FATE1: variants seen among roughly 807,000 people sequenced by gnomAD.
The protein encoded by FATE1 is fetal and adult testis-expressed transcript protein.
A neutral mutation model predicts 16.0 loss-of-function variants in FATE1; 18 were observed. That is an observed-to-expected ratio of 1.12 (90% confidence interval 0.78 to 1.66). The LOEUF (loss-of-function observed/expected upper bound fraction) is 1.66, where lower values mean the gene tolerates loss of function less well. FATE1 is among the 40% of genes most tolerant of loss of function. The pLI, the probability that FATE1 is intolerant of heterozygous loss-of-function variation, is 0.00. For synonymous variants in FATE1, 76 were observed against 56.9 expected (o/e 1.34, Z -1.51); for missense variants, 169 against 152.7 (o/e 1.11, Z -0.56).
At position 151,722,621 on chromosome X, in the gene FATE1, T is replaced by C. The variant is rs773587202; in HGVS notation, c.421-7T>C. 1 of 1,212,248 alleles carries C rather than the reference T, an allele frequency of 8.2e-7. No homozygotes were observed. The highest frequency in any genetic ancestry group is 1.1e-6 in the Non-Finnish European group (1 of 895,548). ...GCTCAGCAGCCCTGCCTTTGACTCC[T>C]CTGCAGCTGTATGCAGTCAACCGGC... On this transcript the variant is annotated splice_region_variant and splice_polypyrimidine_tract_variant and intron_variant, in intron 4 of 4. Transcript: ENST00000370350.
intron 2 of FATE1, among the ~76,000 whole-genome samples, chrX:151,718,098 G>T (rs1220001165): frequency 1.1e-5 from 1 of 89,477 alleles, no homozygotes; most frequent in Non-Finnish European, 2.2e-5. Context: ...AAGAAAGAAA[G>T]AAAGAGAGAG....
At chrX:151,719,548 A>C (rs2015097561) in intron 2 of FATE1, among the ~76,000 whole-genome samples, 1 of 112,337 alleles carries the variant, frequency 8.9e-6, no homozygotes, top group African/African-American at 3.2e-5. Context: ...CAATGGTCTG[A>C]AAATTTTTCT....
In FATE1 at chrX:151,716,213, C is replaced by T; in HGVS notation, c.94C>T (p.Leu32=). 8.6e-7 allele frequency: 1 copy of T among 1,166,809 alleles called. No homozygotes were observed. The highest frequency in any genetic ancestry group is 1.1e-6 in the Non-Finnish European group (1 of 872,083). ...ACGCCAAGGGGAAAACCAAGAGCACCTGGTGATAGCAGGTGAGGATCCCCT... is the reference window on the plus strand; with the variant it reads ...ACGCCAAGGGGAAAACCAAGAGCACTTGGTGATAGCAGGTGAGGATCCCCT... ...HGRQGENQEH[L]VIAEMMELGS... is the part of the protein sequence containing the mutation. Residue 32 remains leucine, a synonymous_variant, in exon 1 of 5, where the codon CTG becomes TTG. Transcript: ENST00000370350.
intron 4 of FATE1, 98 bp from the exon 5 acceptor site, chrX:151,722,530 G>A (rs2015126625): frequency 8.7e-7 from 1 of 1,146,362 alleles, no homozygotes; most frequent in Non-Finnish European, 1.2e-6. Flanking sequence ...GGGCAATCAA[G>A]CCCCTTCTTG....
chrX:151,717,445 G>A, intron 2 of FATE1, 46 bp downstream of exon 2: 2 of 1,169,816 alleles, frequency 1.7e-6, no homozygotes, highest in Non-Finnish European at 2.3e-6. Context: ...TTGGGGTTGG[G>A]AGTACTGGTT....
intron 2 of FATE1, among the ~76,000 whole-genome samples, chrX:151,718,116 GGAAGGAAGGA>G (rs2015078957): frequency 3.0e-5 from 1 of 33,744 alleles, no homozygotes; most frequent in African/African-American, 1.8e-4. Flanking sequence ...GAGAGAGGAA[GGAAGGAAGGA>G]AGGAAGGAAG....
chrX:151,721,187 A>G (rs1415238866), intron 2 of FATE1, among the ~76,000 whole-genome samples: 1 of 112,306 alleles, frequency 8.9e-6, no homozygotes, highest in Non-Finnish European at 1.9e-5. Flanking sequence ...ACCAAGAGCT[A>G]CCGAGGAGCA....
intron 2 of FATE1, among the ~76,000 whole-genome samples, chrX:151,719,867 T>C (rs1569425144): frequency 9.0e-6 from 1 of 111,473 alleles, no homozygotes; most frequent in Non-Finnish European, 1.9e-5. Context: ...AGGTGAGCCT[T>C]GGTTGTCTAT....
Position 151,716,177 on chromosome X carries a change from C to T in FATE1, c.58C>T (p.Leu20=). Residue 20 remains leucine, a synonymous_variant, in exon 1 of 5, where the codon CTG becomes TTG. Transcript: ENST00000370350. ...AEMEMSLAEE[L]NHGRQGENQE... Reference sequence around the variant, plus strand: ...GATGGAAATGTCCCTGGCAGAAGAACTGAATCATGGACGCCAAGGGGAAAA... The same window carrying T: ...GATGGAAATGTCCCTGGCAGAAGAATTGAATCATGGACGCCAAGGGGAAAA... The T allele has an allele frequency of 2.6e-6, 3 of 1,167,970 alleles. No homozygotes were observed. Among genetic ancestry groups the T allele is most frequent in the East Asian group, 6.5e-5 (2 of 30,764 alleles).
chrX:151,719,641 A>C lies in FATE1; in HGVS notation c.235-1754A>C, dbSNP rs781251878. Among the ~76,000 whole-genome samples the C allele has an allele frequency of 8.9e-5, 10 of 112,688 alleles. No homozygotes were observed. The South Asian group carries it at 1.5e-3, about 17-fold the overall frequency. ...TTAATGCAATTTTTGAAGTATCTTA[A>C]GAAAATAAAATATTGTGACCATGAA... On this transcript the variant is annotated intron_variant, in intron 2 of 4. Coordinates refer to ENST00000370350, the MANE Select transcript of FATE1 (RefSeq NM_033085.3).
chrX:151,717,200 G>A, intron 1 of FATE1, 72 bp from the exon 2 acceptor site: 1 of 1,123,238 alleles, frequency 8.9e-7, no homozygotes. Context: ...CTTCTTTTTG[G>A]TGTGTTTTGT....
Position 151,722,705 on chromosome X carries a change from C to T in FATE1, c.498C>T (p.Ile166=), listed in dbSNP as rs770314503. 9.1e-6 allele frequency: 11 copies of T among 1,211,124 alleles called. No homozygotes were observed. Among genetic ancestry groups the T allele is most frequent in the Middle Eastern group, 2.3e-4 (1 of 4,353 alleles). The change falls in exon 5 of 5, where the codon ATC becomes ATT. Residue 166 remains isoleucine (I), a synonymous_variant. Transcript: ENST00000370350. ...GGCGCCACAGGGAGACCCTGATCAT[C>T]GCCGTGCTGGTGTCGGCCAGCATTG... ...ATWRHRETLI[I]AVLVSASIAN...
chrX:151,718,165 GAA>G (rs1266027150), intron 2 of FATE1, among the ~76,000 whole-genome samples: 1,039 of 81,210 alleles, frequency 0.013, 13 homozygotes, highest in Middle Eastern at 0.033. Flanking sequence ...AGGAAGGAAG[GAA>G]GGAAGGGGAA....
intron 1 of FATE1, 64 bp downstream of exon 1, chrX:151,716,289 G>A: frequency 1.1e-6 from 1 of 937,434 alleles, no homozygotes; most frequent in Admixed American, 2.8e-5. Context: ...CTATACCTGT[G>A]CATGTGTGTG....
At chrX:151,717,484 C>CT in intron 2 of FATE1, 85 bp downstream of exon 2, 3 of 1,021,824 alleles carry the variant, frequency 2.9e-6, no homozygotes, top group South Asian at 2.4e-5. Context: ...CCAGGTCAGG[C>CT]AGGGCTAGAC....
rs1569425561 is a variant in FATE1 at position 151,722,639 on chromosome X, C to T, written c.432C>T (p.Val144=). The change falls in exon 5 of 5, where the codon GTC becomes GTT. Residue 144 remains valine, a synonymous_variant. Coordinates refer to ENST00000370350, the MANE Select transcript of FATE1 (RefSeq NM_033085.3). ...TGACTCCTCTGCAGCTGTATGCAGT[C>T]AACCGGCGTCTGCGCGCCCTGGAGG... ...MEVMRRQLYA[V]NRRLRALEEQ... The T allele has an allele frequency of 6.6e-6, 8 of 1,212,311 alleles. No individual in the cohort carries two copies. The highest frequency in any genetic ancestry group is 7.8e-6 in the Non-Finnish European group (7 of 895,558).
rs772412935 is a variant in FATE1 at position 151,721,831 on chromosome X, C to T, written c.342-72C>T. Reference sequence around the variant, plus strand: ...GAAGATCACGACCTTACCTGCTTGACCTCACTGCCTTCTTGTGCTCCCTGC... The same window carrying T: ...GAAGATCACGACCTTACCTGCTTGATCTCACTGCCTTCTTGTGCTCCCTGC... On this transcript the variant is annotated intron_variant, in intron 3 of 4. Transcript: ENST00000370350. 1.6e-5 allele frequency: 15 copies of T among 953,309 alleles called. No individual in the cohort carries two copies. The East Asian group carries it at 2.2e-4, about 14-fold the overall frequency. The allele number at this position is 953,309 out of a possible 1,213,427, so 78.6% of individuals were successfully genotyped here.
intron 2 of FATE1, among the ~76,000 whole-genome samples, chrX:151,720,565 T>G (rs2015105916): frequency 8.9e-6 from 1 of 111,868 alleles, no homozygotes; most frequent in Non-Finnish European, 1.9e-5. Flanking sequence ...GACAAGGTAA[T>G]TAACCTCTCT....
intron 3 of FATE1, 64 bp from the exon 4 acceptor site, chrX:151,721,839 C>T (rs2015118906): frequency 1.9e-6 from 2 of 1,030,073 alleles, no homozygotes; most frequent in Admixed American, 2.2e-5. Context: ...GACCTCACTG[C>T]CTTCTTGTGC....
Sources: allele counts gnomAD v4.1 joint callset (sites outside exome capture counted in the v4.1 genomes callset), GRCh38; gene constraint gnomAD v4.1.1; transcripts MANE v1.5; gene names NCBI Gene and HGNC (gene_info 2026-07-23, HGNC 2026-07-21).